GSK3A: variants seen among roughly 807,000 people sequenced by gnomAD.
The protein encoded by GSK3A is glycogen synthase kinase 3 alpha.
A neutral mutation model predicts 56.6 loss-of-function variants in GSK3A; 14 were observed. That is an observed-to-expected ratio of 0.25 (90% CI 0.16 to 0.39). The LOEUF is 0.39. Among genes scored for constraint, GSK3A ranks in the 10% least tolerant of loss-of-function variants. The probability of loss-of-function intolerance (pLI) is 1.00; values close to 1 mark genes in which losing one functional copy is unlikely to be tolerated. For synonymous variants in GSK3A, 301 were observed against 285.0 expected (o/e 1.06, Z -0.56); for missense variants, 450 against 656.0 (o/e 0.69, Z 3.43).
In GSK3A at chr19:42,232,043, T is replaced by C. The variant is rs1487018359; in HGVS notation, c.1378+14A>G. On this transcript the variant is annotated intron_variant, in intron 10 of 10. Coordinates refer to ENST00000222330, the MANE Select transcript of GSK3A (RefSeq NM_019884.3). ...GAGAGATACTTTAACCCCCAGCAGA[T>C]GGTCCCCACTTACCTTGTGAGGACG... is the stretch of plus-strand genomic sequence containing the variant. The C allele has an allele frequency of 1.3e-6, 2 of 1,503,010 alleles. No homozygotes were observed. The highest frequency in any genetic ancestry group is 2.8e-5 in the African/African-American group (2 of 72,676). The allele number at this position is 1,503,010 out of a possible 1,614,324, so 93.1% of individuals were successfully genotyped here. A position where few individuals can be genotyped will look rare whatever the true frequency, so the allele number is the denominator to read the frequency against.
chr19:42,231,090 A>G (rs976186364), intron 10 of GSK3A, among the ~76,000 whole-genome samples: 7 of 152,230 alleles, frequency 4.6e-5, no homozygotes, highest in Admixed American at 2.0e-4. Context: ...GGCTGGGCAC[A>G]GTGGCTCACG....
In GSK3A at chr19:42,233,394, A is replaced by G. The variant is rs776011715; in HGVS notation, c.905-11T>C. On this transcript the variant is annotated splice_polypyrimidine_tract_variant and intron_variant, in intron 6 of 10. Coordinates refer to ENST00000222330, the MANE Select transcript of GSK3A (RefSeq NM_019884.3). ...CAGCTGACCAAACATCTGAGGGGAAATGGAGGGAGCGTCAGGGCTAGGCGA... is the reference window on the plus strand; with the variant it reads ...CAGCTGACCAAACATCTGAGGGGAAGTGGAGGGAGCGTCAGGGCTAGGCGA... The G allele has an allele frequency of 2.6e-6, 4 of 1,552,740 alleles. No individual in the cohort carries two copies. The highest frequency in any genetic ancestry group is 8.8e-7 in the Non-Finnish European group (1 of 1,141,838).
chr19:42,242,057 G>C, intron 1 of GSK3A, 126 bp downstream of exon 1: 1 of 806,806 alleles, frequency 1.2e-6, no homozygotes, highest in Non-Finnish European at 1.7e-6. Flanking sequence ...AGAGGGCTCG[G>C]ATCCCCGGTA....
intron 4 of GSK3A, among the ~76,000 whole-genome samples, chr19:42,235,914 A>T (rs977841064): frequency 2.6e-5 from 4 of 152,168 alleles, no homozygotes; most frequent in Non-Finnish European, 5.9e-5. Flanking sequence ...AACCACTGGT[A>T]GAGCCCACGT....
At position 42,239,868 on chromosome 19, in the gene GSK3A, A is replaced by T. The variant is rs936253572; in HGVS notation, c.471+87T>A. 23 of 1,118,402 alleles carry T rather than the reference A, an allele frequency of 2.1e-5. No homozygotes were observed. In the African/African-American group the frequency reaches 3.4e-4, roughly 16 times the overall value. The allele number at this position is 1,118,402 out of a possible 1,614,324, so 69.3% of individuals were successfully genotyped here. On this transcript the variant is annotated intron_variant, in intron 2 of 10. Coordinates refer to ENST00000222330, the MANE Select transcript of GSK3A (RefSeq NM_019884.3). ...TTCTCTTCTGGCCCATGGCTCTGAA[A>T]CCCAAGCCTCCAGCTCTCTGGCTCA...
Position 42,234,917 on chromosome 19 carries a change from G to A in GSK3A, c.667-239C>T, listed in dbSNP as rs1053986505. Among the ~76,000 whole-genome samples, 2 of 152,134 alleles carry A rather than the reference G, an allele frequency of 1.3e-5. No homozygotes were observed. Among genetic ancestry groups the A allele is most frequent in the African/African-American group, 4.8e-5 (2 of 41,420 alleles). ...GTCACGCCTGTAATCCCGGTATTTTGGGAGGCCAAGACCAGCCTCGCCAAC... is the reference window on the plus strand; with the variant it reads ...GTCACGCCTGTAATCCCGGTATTTTAGGAGGCCAAGACCAGCCTCGCCAAC... On this transcript the variant is annotated intron_variant, in intron 4 of 10. Coordinates refer to ENST00000222330, the MANE Select transcript of GSK3A (RefSeq NM_019884.3). The surrounding 1 kb of genome is among the most constrained non-coding windows in gnomAD (Gnocchi z 5.7).
In GSK3A at chr19:42,231,728, G is replaced by A. The variant is rs934896450; in HGVS notation, c.1378+329C>T. Reference sequence around the variant, plus strand: ...GCGGAGATTGCAGTGAGCCGAGATCGAGCCACTGCACTGCAGCCTGGGTGG... The same window carrying A: ...GCGGAGATTGCAGTGAGCCGAGATCAAGCCACTGCACTGCAGCCTGGGTGG... On this transcript the variant is annotated intron_variant, in intron 10 of 10. Coordinates refer to ENST00000222330, the MANE Select transcript of GSK3A (RefSeq NM_019884.3). Among the ~76,000 whole-genome samples, 7 of 150,852 alleles carry A rather than the reference G, an allele frequency of 4.6e-5. No homozygotes were observed. The East Asian group carries it at 7.8e-4, about 17-fold the overall frequency.
intron 10 of GSK3A, 75 bp from the exon 11 acceptor site, chr19:42,230,942 A>T (rs2036220005): frequency 1.1e-6 from 1 of 942,542 alleles, no homozygotes; most frequent in South Asian, 1.4e-5. Context: ...AAAAGTAGGA[A>T]TTCTCTTGTC....
rs547256347 is a variant in GSK3A, at chr19:42,234,453, C to T, written c.804G>A (p.Lys268=). Reference sequence around the variant, plus strand: ...CATTGGGCTCCCCTCGGACCAACTGCTTTGCACTGTGGGAAGAGATGGGCA... The same window carrying T: ...CATTGGGCTCCCCTCGGACCAACTGTTTTGCACTGTGGGAAGAGATGGGCA... ...VLKLCDFGSA[K]QLVRGEPNVS... The change falls in exon 6 of 11, where the codon AAG becomes AAA. Residue 268 remains lysine (K), a synonymous_variant. Transcript: ENST00000222330. The surrounding 1 kb of genome is among the most constrained non-coding windows in gnomAD (Gnocchi z 5.7). 1.9e-6 allele frequency: 3 copies of T among 1,614,166 alleles called. No homozygotes were observed. The highest frequency in any genetic ancestry group is 2.7e-5 in the African/African-American group (2 of 75,056).
At chr19:42,238,280 G>A (rs2036270288) in intron 2 of GSK3A, among the ~76,000 whole-genome samples, 1 of 151,506 alleles carries the variant, frequency 6.6e-6, no homozygotes, top group African/African-American at 2.4e-5. Flanking sequence ...CTTGAACCCA[G>A]GAGGCAGAGG....
In GSK3A at chr19:42,234,442, C is replaced by T. The variant is rs774840736; in HGVS notation, c.815G>A (p.Arg272Gln). The T allele has an allele frequency of 6.8e-6, 11 of 1,614,064 alleles. No homozygotes were observed. Among genetic ancestry groups the T allele is most frequent in the East Asian group, 4.5e-5 (2 of 44,888 alleles). ...CDFGSAKQLV[R>Q]GEPNVSYICS... ...GATGTAGGAGACATTGGGCTCCCCT[C>T]GGACCAACTGCTTTGCACTGTGGGA... Residue 272 changes from arginine (R) to glutamine (Q), a missense_variant, in exon 6 of 11, where the codon CGA becomes CAA. Physicochemically the swap from Arg to Gln is conservative, Grantham distance 43 (BLOSUM62 1). Around this residue, in one of 3 missense-constraint regions of GSK3A, gnomAD observed 144 missense variants for 308.0 expected, o/e 0.47. Coordinates refer to ENST00000222330, the MANE Select transcript of GSK3A (RefSeq NM_019884.3). The surrounding 1 kb of genome is among the most constrained non-coding windows in gnomAD (Gnocchi z 5.7).
rs575202976 is a variant in GSK3A at position 42,230,569 on chromosome 19, C to T, written c.*225G>A. ...TAGGAGGTCCTCATCCCCCCAACAC[C>T]CTGTCCTTCTCTTCCCTCCCCACAA... is the stretch of plus-strand genomic sequence containing the variant. On this transcript the variant is annotated 3_prime_UTR_variant, in exon 11 of 11. Transcript: ENST00000222330. 4.7e-5 allele frequency: 27 copies of T among 579,702 alleles called. No individual in the cohort carries two copies. The African/African-American group carries it at 4.9e-4, about 10-fold the overall frequency. 35.9% of individuals were successfully genotyped at this position (579,702 alleles called of 1,614,324 possible). A position where few individuals can be genotyped will look rare whatever the true frequency, so the allele number is the denominator to read the frequency against.
intron 4 of GSK3A, among the ~76,000 whole-genome samples, chr19:42,235,467 A>G (rs888608864): frequency 1.1e-4 from 17 of 152,152 alleles, no homozygotes; most frequent in Admixed American, 9.8e-4. Flanking sequence ...GTACCGTGAG[A>G]GCAGGATTTT....
In GSK3A at chr19:42,235,655, TG is replaced by T. The variant is rs533230042; in HGVS notation, c.666+950del. Among the ~76,000 whole-genome samples the T allele has an allele frequency of 3.4e-3, 518 of 152,302 alleles. 6 individuals are homozygous for T. The highest frequency in any genetic ancestry group is 0.017 in the Middle Eastern group (5 of 294). ...GATCCTTCTCACCCACAAACCAGGC[TG>T]GGTGCTTCCTCCATTTCCAGAATTC... is the stretch of plus-strand genomic sequence containing the variant. On this transcript the variant is annotated intron_variant, in intron 4 of 10. Coordinates refer to ENST00000222330, the MANE Select transcript of GSK3A (RefSeq NM_019884.3).
At chr19:42,235,935 G>A (rs777812434) in intron 4 of GSK3A, among the ~76,000 whole-genome samples, 23 of 152,272 alleles carry the variant, frequency 1.5e-4, no homozygotes, top group East Asian at 7.7e-4. Context: ...CGGCTCACCC[G>A]TGCTTGGTAC....
chr19:42,242,346 G>A lies in GSK3A; in HGVS notation c.120C>T (p.Ala40=). The stretch of plus-strand genomic sequence containing the variant: ...CGCCGCCGGTGCCGCCTGGGCCGGA[G>A]GCCGAGCCTCCGGGGCCGCCGCCGC... The part of the protein sequence containing the change: ...GGGGGGPGGS[A]SGPGGTGGGK... The change falls in exon 1 of 11, where the codon GCC becomes GCT. Residue 40 remains alanine (A), a synonymous_variant. Transcript: ENST00000222330. The A allele has an allele frequency of 1.4e-6, 2 of 1,420,380 alleles. No homozygotes were observed. The highest frequency in any genetic ancestry group is 1.8e-6 in the Non-Finnish European group (2 of 1,091,232). The allele number at this position is 1,420,380 out of a possible 1,614,324, so 88.0% of individuals were successfully genotyped here. A position where few individuals can be genotyped will look rare whatever the true frequency, so the allele number is the denominator to read the frequency against.
At position 42,232,134 on chromosome 19, in the gene GSK3A, G is replaced by A. The variant is rs2036228159; in HGVS notation, c.1301C>T (p.Pro434Leu). The A allele has an allele frequency of 6.2e-7, 1 of 1,602,216 alleles. No individual in the cohort carries two copies. Among genetic ancestry groups the A allele is most frequent in the Non-Finnish European group, 8.5e-7 (1 of 1,169,780 alleles). ...AGGGATGAGAATGGCGTTGAGAGAC[G>A]GTTGGATGGAGAGTTCTAGAAACAG... ...NFSAGELSIQ[P>L]SLNAILIPPH... is the part of the protein sequence containing the mutation. The change falls in exon 10 of 11, where the codon CCG (proline) becomes CTG (leucine). Residue 434 changes from proline to leucine, a missense_variant. Physicochemically the swap from Pro to Leu is moderately conservative, Grantham distance 98. Transcript: ENST00000222330.
chr19:42,242,260 G>T lies in GSK3A; in HGVS notation c.206C>A (p.Pro69His). The T allele has an allele frequency of 7.0e-7, 1 of 1,429,074 alleles. No individual in the cohort carries two copies. The highest frequency in any genetic ancestry group is 9.1e-7 in the Non-Finnish European group (1 of 1,096,746). 88.5% of individuals were successfully genotyped at this position (1,429,074 alleles called of 1,614,324 possible). ...GCTGCCTCCTCCGCCGCTGCCGCCG[G>T]GTCCACCCCCGGAGCTCGAGGCCCC... ...GVGASSSGGG[P>H]GGSGGGGSGG... is the part of the protein sequence containing the mutation. Residue 69 changes from proline to histidine, a missense_variant, in exon 1 of 11, where the codon CCC becomes CAC. By Grantham distance (77) the Pro-to-His change is moderately conservative (BLOSUM62 -2). This residue lies in a region of GSK3A where 193 missense variants were observed against 200.5 expected (regional missense o/e 0.96). Transcript: ENST00000222330.
At position 42,234,782 on chromosome 19, in the gene GSK3A, G is replaced by T; in HGVS notation, c.667-104C>A. The T allele has an allele frequency of 8.2e-7, 1 of 1,213,676 alleles. No individual in the cohort carries two copies. Among genetic ancestry groups the T allele is most frequent in the Non-Finnish European group, 1.1e-6 (1 of 896,042 alleles). The allele number at this position is 1,213,676 out of a possible 1,614,324, so 75.2% of individuals were successfully genotyped here. A position where few individuals can be genotyped will look rare whatever the true frequency, so the allele number is the denominator to read the frequency against. On this transcript the variant is annotated intron_variant, in intron 4 of 10. Coordinates refer to ENST00000222330, the MANE Select transcript of GSK3A (RefSeq NM_019884.3). This position sits in a 1 kb window ranked among gnomAD's most constrained non-coding sequence, Gnocchi z 5.7. ...GAGCCCTTCCAGGCCCACTCTCCCTGCTGCCCCCACAGCTTTGGGGAAACC... is the reference window on the plus strand; with the variant it reads ...GAGCCCTTCCAGGCCCACTCTCCCTTCTGCCCCCACAGCTTTGGGGAAACC...
Sources: gnomAD v4.1 joint callset for allele counts (sites outside exome capture counted in the v4.1 genomes callset) on GRCh38, gnomAD v4.1.1 for gene constraint, gnomAD v4.1.1 regional missense constraint, Gnocchi (gnomAD v3.1) non-coding constraint, MANE v1.5 for transcripts, NCBI Gene and HGNC (gene_info 2026-07-23, HGNC 2026-07-21) for gene names.